Variants in ITFG1 observed in about 807,000 individuals in gnomAD.
ITFG1 encodes T-cell immunomodulatory protein.
Under a neutral mutation model 81.8 loss-of-function variants are expected in ITFG1, and 34 were observed. That is an observed-to-expected ratio of 0.42 (90% confidence interval 0.32 to 0.55). The LOEUF is 0.55. ITFG1 is among the 20% of genes least tolerant of loss of function. The pLI, the probability that ITFG1 is intolerant of heterozygous loss-of-function variation, is 0.17. For synonymous variants in ITFG1, 285 were observed against 270.6 expected, an observed-to-expected ratio of 1.05 and a Z score of -0.52; for missense variants, 672 against 755.4, an observed-to-expected ratio of 0.89 and a Z score of 1.29.
chr16:47,302,231 C>A (rs149116076), intron 10 of ITFG1, among the ~76,000 whole-genome samples: 154 of 152,224 alleles, frequency 1.0e-3, no homozygotes, highest in African/African-American at 3.6e-3. Context: ...GGTTACCAGT[C>A]ACTTTTAATA....
chr16:47,328,459 C>G (rs1967591731), intron 8 of ITFG1, among the ~76,000 whole-genome samples: 1 of 151,796 alleles, frequency 6.6e-6, no homozygotes, highest in Non-Finnish European at 1.5e-5. Flanking sequence ...TACCCTAAAA[C>G]TTAAAGTATA....
Position 47,453,953 on chromosome 16 carries a change from T to G in ITFG1, c.427+60A>C. 3 of 1,061,862 alleles carry G rather than the reference T, an allele frequency of 2.8e-6. No homozygotes were observed. In the South Asian group the frequency reaches 4.5e-5, roughly 16 times the overall value. The allele number at this position is 1,061,862 out of a possible 1,614,324, so 65.8% of individuals were successfully genotyped here. On this transcript the variant is annotated intron_variant, in intron 3 of 17. Transcript: ENST00000320640. ...TTTTGAACTGATTTCAGAACAATAT[T>G]TTGTTACATTTACCTTCATATTCAA...
chr16:47,427,531 G>A (rs770615729), intron 6 of ITFG1, among the ~76,000 whole-genome samples: 1 of 152,158 alleles, frequency 6.6e-6, no homozygotes, highest in Non-Finnish European at 1.5e-5. Flanking sequence ...GGCAGCATGC[G>A]CTTGTAGTCC....
chr16:47,281,430 T>C (rs1966450253), intron 10 of ITFG1, among the ~76,000 whole-genome samples: 1 of 152,214 alleles, frequency 6.6e-6, no homozygotes. Flanking sequence ...CTTAGTCTTC[T>C]ATTTTCTGGA....
intron 14 of ITFG1, among the ~76,000 whole-genome samples, chr16:47,165,800 T>C (rs1277924373): frequency 6.6e-6 from 1 of 152,162 alleles, no homozygotes; most frequent in Non-Finnish European, 1.5e-5. Flanking sequence ...GAGCTGTGAT[T>C]GTACCACTGC....
intron 6 of ITFG1, among the ~76,000 whole-genome samples, chr16:47,386,247 C>G (rs1180695796): frequency 2.6e-5 from 4 of 152,098 alleles, no homozygotes; most frequent in Non-Finnish European, 5.9e-5. Context: ...AACATTTATT[C>G]AAGAAAATAT....
chr16:47,318,040 AG>A (rs2151567273), intron 8 of ITFG1, among the ~76,000 whole-genome samples: 1 of 152,292 alleles, frequency 6.6e-6, no homozygotes, highest in African/African-American at 2.4e-5. Context: ...AGATAAAATT[AG>A]GAACAGTTAG....
At chr16:47,283,399 T>G (rs1184689938) in intron 10 of ITFG1, among the ~76,000 whole-genome samples, 1 of 152,212 alleles carries the variant, frequency 6.6e-6, no homozygotes, top group Non-Finnish European at 1.5e-5. Context: ...TGAAGGTATG[T>G]GGGTTTGCTT....
At chr16:47,376,994 T>C in intron 6 of ITFG1, among the ~76,000 whole-genome samples, 1 of 141,496 alleles carries the variant, frequency 7.1e-6, no homozygotes, top group Admixed American at 6.9e-5. Flanking sequence ...AAAAAAAGAT[T>C]CAGAGTGATG....
At chr16:47,344,169 A>G (rs1175741648) in intron 8 of ITFG1, among the ~76,000 whole-genome samples, 1 of 152,234 alleles carries the variant, frequency 6.6e-6, no homozygotes, top group Non-Finnish European at 1.5e-5. Context: ...AGGCATAGAA[A>G]AAGTTCTGAA....
chr16:47,325,470 G>A (rs1407419132), intron 8 of ITFG1, among the ~76,000 whole-genome samples: 1 of 152,076 alleles, frequency 6.6e-6, no homozygotes, highest in East Asian at 1.9e-4. Flanking sequence ...AAATAACTAA[G>A]ATCAGAGTAG....
intron 6 of ITFG1, among the ~76,000 whole-genome samples, chr16:47,402,370 T>C (rs774720171): frequency 3.3e-5 from 5 of 152,234 alleles, no homozygotes; most frequent in Non-Finnish European, 7.3e-5. Context: ...TAAATTCTTA[T>C]TATAGTTCTG....
intron 5 of ITFG1, among the ~76,000 whole-genome samples, chr16:47,441,447 C>A (rs1280450532): frequency 2.6e-5 from 4 of 152,070 alleles, no homozygotes; most frequent in African/African-American, 9.7e-5. Flanking sequence ...ACTGGCAAAC[C>A]GAATCCAACA....
chr16:47,351,898 A>C (rs1967962925), intron 8 of ITFG1, among the ~76,000 whole-genome samples: 1 of 152,220 alleles, frequency 6.6e-6, no homozygotes, highest in Non-Finnish European at 1.5e-5. Context: ...CCCCTCAGAA[A>C]TAATACCACA....
At chr16:47,377,899 T>C (rs1968347393) in intron 6 of ITFG1, among the ~76,000 whole-genome samples, 1 of 152,224 alleles carries the variant, frequency 6.6e-6, no homozygotes, top group South Asian at 2.1e-4. Flanking sequence ...GCTATATGTA[T>C]ATTGTAGTTC....
At chr16:47,332,060 A>T (rs1171524333) in intron 8 of ITFG1, among the ~76,000 whole-genome samples, 1 of 152,162 alleles carries the variant, frequency 6.6e-6, no homozygotes, top group Non-Finnish European at 1.5e-5. Context: ...GAAATGTCTG[A>T]ACCAGTGTTG....
intron 5 of ITFG1, among the ~76,000 whole-genome samples, chr16:47,436,985 T>C (rs1009939130): frequency 6.6e-6 from 1 of 152,210 alleles, no homozygotes; most frequent in Non-Finnish European, 1.5e-5. Flanking sequence ...CAAGTAAAAG[T>C]AGGCTAATAA....
intron 10 of ITFG1, among the ~76,000 whole-genome samples, chr16:47,273,835 C>T (rs1046416880): frequency 3.9e-5 from 6 of 152,096 alleles, no homozygotes; most frequent in Admixed American, 1.3e-4. Flanking sequence ...GAGTCTCACT[C>T]TGTTGCCCAG....
intron 14 of ITFG1, chr16:47,218,591 A>C (rs1454706529): frequency 5.0e-6 from 1 of 198,884 alleles, no homozygotes; most frequent in East Asian, 1.1e-4. Context: ...AAGATAACAC[A>C]AGTAATTTCA....
Sources: allele counts gnomAD v4.1 joint callset (sites outside exome capture counted in the v4.1 genomes callset), GRCh38; gene constraint gnomAD v4.1.1; transcripts MANE v1.5; gene names NCBI Gene and HGNC (gene_info 2026-07-23, HGNC 2026-07-21).